ERBIN: variants seen among roughly 807,000 people sequenced by gnomAD.
The protein encoded by ERBIN is erbb2 interacting protein.
In ERBIN, 60 loss-of-function variants were observed where a neutral mutation model predicts 158.4. That is an observed-to-expected ratio of 0.38 (90% CI 0.31 to 0.47). The LOEUF (loss-of-function observed/expected upper bound fraction) is 0.47, where lower values mean the gene tolerates loss of function less well. Among genes scored for constraint, ERBIN ranks in the 20% least tolerant of loss-of-function variants. The probability of loss-of-function intolerance (pLI) is 0.99; values close to 1 mark genes in which losing one functional copy is unlikely to be tolerated. For missense variants in ERBIN, 1,610 were observed against 1,648.0 expected (o/e 0.98, Z 0.40); for synonymous variants, 594 against 557.2 (o/e 1.07, Z -0.93).
In ERBIN at chr5:66,046,549, A is replaced by G. The variant is rs1339970774; in HGVS notation, c.1788+11A>G. On this transcript the variant is annotated intron_variant, in intron 18 of 25. Coordinates refer to ENST00000284037, the MANE Select transcript of ERBIN (RefSeq NM_001253697.2). ...GATGATGTTTTTGAGGTATGATTTT[A>G]TGATTATTCTGGAGCAACTATAAGA... 4 of 1,558,676 alleles carry G rather than the reference A, an allele frequency of 2.6e-6. No individual in the cohort carries two copies. Among genetic ancestry groups the G allele is most frequent in the Admixed American group, 3.8e-5 (2 of 52,368 alleles).
At position 66,033,345 on chromosome 5, in the gene ERBIN, A is replaced by T. The variant is rs74560413; in HGVS notation, c.1206+5002A>T. Among the ~76,000 whole-genome samples the T allele has an allele frequency of 1.3e-3, 192 of 152,328 alleles. 1 individual carries two copies. Among genetic ancestry groups the T allele is most frequent in the Non-Finnish European group, 2.2e-3 (152 of 68,028 alleles). ...GGAATTATATAAAATAACTTTTAAA[A>T]TGTTAGTGATGCATGATGAATCCTG... On this transcript the variant is annotated intron_variant, in intron 14 of 25. Transcript: ENST00000284037.
chr5:66,051,495 A>G (rs1186653472), intron 20 of ERBIN, among the ~76,000 whole-genome samples: 3 of 152,166 alleles, frequency 2.0e-5, no homozygotes, highest in Non-Finnish European at 4.4e-5. Context: ...TAATGTTGGC[A>G]GTGGGTTTGA....
At chr5:65,991,236 G>T (rs866948963) in intron 2 of ERBIN, among the ~76,000 whole-genome samples, 1 of 152,090 alleles carries the variant, frequency 6.6e-6, no homozygotes, top group Non-Finnish European at 1.5e-5. Flanking sequence ...TTTAACATTG[G>T]ACATTTTGTT....
intron 1 of ERBIN, among the ~76,000 whole-genome samples, chr5:65,940,702 A>G (rs1269109376): frequency 7.5e-6 from 1 of 132,788 alleles, no homozygotes; most frequent in African/African-American, 2.9e-5. Context: ...TGGGGGGGTC[A>G]GCCCCCCGCC....
chr5:66,045,619 T>C (rs887044194), intron 17 of ERBIN, among the ~76,000 whole-genome samples: 5 of 152,178 alleles, frequency 3.3e-5, no homozygotes, highest in Admixed American at 1.3e-4. Context: ...TGACTGCACT[T>C]GCAAATTTAA....
intron 21 of ERBIN, among the ~76,000 whole-genome samples, chr5:66,063,582 AC>A (rs1168645703): frequency 6.6e-6 from 1 of 151,874 alleles, no homozygotes; most frequent in Non-Finnish European, 1.5e-5. Flanking sequence ...AGTGAGATGA[AC>A]CCGGTACCTC....
intron 1 of ERBIN, among the ~76,000 whole-genome samples, chr5:65,965,158 A>G (rs1359634588): frequency 6.6e-6 from 1 of 151,714 alleles, no homozygotes; most frequent in Non-Finnish European, 1.5e-5. Flanking sequence ...ATGAATTCTC[A>G]TTGTGATTAG....
Position 66,050,925 on chromosome 5 carries a change from T to A in ERBIN, c.2046T>A (p.Ser682=). Residue 682 remains serine, a synonymous_variant, in exon 20 of 26, where the codon TCT becomes TCA. Transcript: ENST00000284037. ...GTAGTCAAGACACCTCACTCTGCTCTCCAGTGAAACAAACTCATATTGATA... is the reference window on the plus strand; with the variant it reads ...GTAGTCAAGACACCTCACTCTGCTCACCAGTGAAACAAACTCATATTGATA... ...TDSSQDTSLC[S]PVKQTHIDIN... 1 of 1,605,832 alleles carries A rather than the reference T, an allele frequency of 6.2e-7. No homozygotes were observed. The highest frequency in any genetic ancestry group is 8.5e-7 in the Non-Finnish European group (1 of 1,177,938).
At chr5:65,960,436 C>T (rs1244615414) in intron 1 of ERBIN, among the ~76,000 whole-genome samples, 2 of 152,120 alleles carry the variant, frequency 1.3e-5, no homozygotes, top group East Asian at 1.9e-4. Context: ...ACACCTAAGA[C>T]CTCTGCATTT....
intron 25 of ERBIN, among the ~76,000 whole-genome samples, chr5:66,077,759 T>TACACAC (rs70987111): frequency 0.028 from 3,970 of 139,310 alleles, 77 homozygotes; most frequent in Admixed American, 0.054. Context: ...TCCCTCCCTC[T>TACACAC]ACACACACAC....
At chr5:65,951,962 A>G (rs1013578402) in intron 1 of ERBIN, among the ~76,000 whole-genome samples, 9 of 152,248 alleles carry the variant, frequency 5.9e-5, no homozygotes, top group Admixed American at 1.3e-4. Context: ...TTTGGACAAC[A>G]TGTCATCGTG....
chr5:66,078,552 G>A lies in ERBIN; in HGVS notation c.*22G>A, dbSNP rs908505354. 4.3e-6 allele frequency: 6 copies of A among 1,397,862 alleles called. No homozygotes were observed. The highest frequency in any genetic ancestry group is 6.1e-6 in the Non-Finnish European group (6 of 986,828). The allele number at this position is 1,397,862 out of a possible 1,614,324, so 86.6% of individuals were successfully genotyped here. ...ATAAGCACTGTGGACAAAAAAAGCG[G>A]GGAAGACAGCAAGATTTATTGGAAG... is the stretch of plus-strand genomic sequence containing the variant. On this transcript the variant is annotated 3_prime_UTR_variant, in exon 26 of 26. Coordinates refer to ENST00000284037, the MANE Select transcript of ERBIN (RefSeq NM_001253697.2).
intron 1 of ERBIN, among the ~76,000 whole-genome samples, chr5:65,985,062 G>C (rs2151025956): frequency 6.6e-6 from 1 of 152,318 alleles, no homozygotes; most frequent in East Asian, 1.9e-4. Flanking sequence ...GATTATTGTT[G>C]AAACTGTGTT....
intron 1 of ERBIN, among the ~76,000 whole-genome samples, chr5:65,963,818 C>CT (rs1748212174): frequency 7.5e-6 from 1 of 133,640 alleles, no homozygotes; most frequent in Non-Finnish European, 1.5e-5. Flanking sequence ...GAGATGGAGT[C>CT]TCGCTCTGTC....
At chr5:65,945,290 C>T (rs553657191) in intron 1 of ERBIN, among the ~76,000 whole-genome samples, 1 of 152,320 alleles carries the variant, frequency 6.6e-6, no homozygotes, top group African/African-American at 2.4e-5. Flanking sequence ...TCTCCATGGA[C>T]AAAGAATGTT....
intron 4 of ERBIN, among the ~76,000 whole-genome samples, chr5:65,995,103 A>T (rs918456474): frequency 6.6e-6 from 1 of 152,222 alleles, no homozygotes; most frequent in Admixed American, 6.5e-5. Context: ...TTTGTTTAAT[A>T]TGTGTATGTA....
chr5:66,064,215 T>G (rs1021330485), intron 21 of ERBIN, among the ~76,000 whole-genome samples: 1 of 152,192 alleles, frequency 6.6e-6, no homozygotes, highest in African/African-American at 2.4e-5. Flanking sequence ...TTAAGATTAA[T>G]AGATTAAGGT....
At chr5:66,057,866 A>G (rs1759786488) in intron 21 of ERBIN, among the ~76,000 whole-genome samples, 2 of 150,872 alleles carry the variant, frequency 1.3e-5, no homozygotes, top group South Asian at 4.2e-4. Flanking sequence ...CCATGTCCCT[A>G]CAAAGGACAT....
In ERBIN at chr5:66,044,139, G is replaced by C; in HGVS notation, c.1431G>C (p.Glu477Asp). 6 of 1,541,758 alleles carry C rather than the reference G, an allele frequency of 3.9e-6. No individual in the cohort carries two copies. The highest frequency in any genetic ancestry group is 5.2e-6 in the Non-Finnish European group (6 of 1,150,910). The part of the protein sequence containing the change: ...DKDEREAPPR[E>D]GNLKRYPTPY... ...TTTTACTTATTTTATTTCTCTAGGA[G>C]GGAAATTTAAAAAGATATCCAACAC... is the stretch of plus-strand genomic sequence containing the variant. Residue 477 changes from glutamate (E) to aspartate (D), a missense_variant and splice_region_variant, in exon 17 of 26, where the codon GAG (glutamate) becomes GAC (aspartate). This residue lies in a region of ERBIN where 596 missense variants were observed against 711.9 expected (regional missense o/e 0.84). Coordinates refer to ENST00000284037, the MANE Select transcript of ERBIN (RefSeq NM_001253697.2).
Sources: allele counts gnomAD v4.1 joint callset (sites outside exome capture counted in the v4.1 genomes callset), GRCh38; gene constraint gnomAD v4.1.1; regional missense constraint gnomAD v4.1.1; transcripts MANE v1.5; gene names NCBI Gene and HGNC (gene_info 2026-07-23, HGNC 2026-07-21).